Variants in NEK10 observed in about 807,000 individuals in gnomAD.
NEK10 encodes serine/threonine-protein kinase Nek10.
NEK10 carries 122 observed loss-of-function variants against 159.8 expected under a neutral mutation model. That is an observed-to-expected ratio of 0.76 (90% CI 0.66 to 0.89). The LOEUF (loss-of-function observed/expected upper bound fraction) is 0.89, where lower values mean the gene tolerates loss of function less well. Ranked by LOEUF, NEK10 falls within the 40% of genes least tolerant of loss-of-function variation. The pLI is 0.00. For missense variants in NEK10, 1,342 were observed against 1,323.1 expected, an observed-to-expected ratio of 1.01 and a Z score of -0.22; for synonymous variants, 466 against 457.1, an observed-to-expected ratio of 1.02 and a Z score of -0.25.
In NEK10 at chr3:27,335,829, C is replaced by T. The variant is rs561074521; in HGVS notation, c.362+8443G>A. ...CTTGAAACAAATGAATGTGGAAACA[C>T]GACATACCAAAACCTGTAGGACAAA... On this transcript the variant is annotated intron_variant, in intron 5 of 35. Transcript: ENST00000691995. Among the ~76,000 whole-genome samples, 30 of 152,088 alleles carry T rather than the reference C, an allele frequency of 2.0e-4. No homozygotes were observed. The South Asian group carries it at 5.4e-3, about 27-fold the overall frequency.
At chr3:27,327,066 T>C (rs1225236838) in intron 5 of NEK10, among the ~76,000 whole-genome samples, 1 of 152,244 alleles carries the variant, frequency 6.6e-6, no homozygotes, top group Non-Finnish European at 1.5e-5. Context: ...TTTATTTTAC[T>C]GACTCAGCAA....
At chr3:27,311,958 A>G (rs546308658) in intron 8 of NEK10, 141 bp downstream of exon 8, 33 of 659,248 alleles carry the variant, frequency 5.0e-5, no homozygotes, top group Middle Eastern at 4.9e-4. Context: ...GAATATAACA[A>G]TTGGCCTGGA....
Position 27,210,992 on chromosome 3 carries a change from T to A in NEK10, c.2091-8435A>T, listed in dbSNP as rs567672408. Among the ~76,000 whole-genome samples the A allele has an allele frequency of 1.8e-4, 27 of 152,340 alleles. No homozygotes were observed. In the South Asian group the frequency reaches 5.4e-3, roughly 30 times the overall value. On this transcript the variant is annotated intron_variant, in intron 23 of 35. Transcript: ENST00000691995. ...TTAGGGAAACATTTTATATCTAATA[T>A]ACATAAATTTCATAACAGTAAAAAG...
chr3:27,322,470 C>CG (rs902736223), intron 5 of NEK10, among the ~76,000 whole-genome samples: 2 of 152,006 alleles, frequency 1.3e-5, no homozygotes, highest in Admixed American at 6.6e-5. Context: ...GAGGCCCCCC[C>CG]CAAACTTATT....
At chr3:27,160,615 T>A (rs1945927645) in intron 30 of NEK10, among the ~76,000 whole-genome samples, 3 of 152,138 alleles carry the variant, frequency 2.0e-5, no homozygotes, top group Admixed American at 2.0e-4. Context: ...CACTCACTGA[T>A]AACAAAATGG....
chr3:27,281,082 G>T (rs1473899430), intron 22 of NEK10, among the ~76,000 whole-genome samples: 2 of 151,620 alleles, frequency 1.3e-5, no homozygotes, highest in African/African-American at 4.8e-5. Context: ...AAAAATTTTT[G>T]AAATTAAAAT....
chr3:27,346,021 T>C lies in NEK10; in HGVS notation c.263+65A>G, dbSNP rs554598508. On this transcript the variant is annotated intron_variant, in intron 4 of 35. Transcript: ENST00000691995. ...TTAAATTTTAGCTCCTGGGATAAACTTAAATAAAACTGTGAGCTAAGCAGA... is the reference window on the plus strand; with the variant it reads ...TTAAATTTTAGCTCCTGGGATAAACCTAAATAAAACTGTGAGCTAAGCAGA... 1.3e-5 allele frequency: 20 copies of C among 1,519,814 alleles called. No individual in the cohort carries two copies. In the South Asian group the frequency reaches 2.1e-4, roughly 16 times the overall value. The allele number at this position is 1,519,814 out of a possible 1,614,324, so 94.1% of individuals were successfully genotyped here. A position where few individuals can be genotyped will look rare whatever the true frequency, so the allele number is the denominator to read the frequency against.
At chr3:27,334,159 G>C (rs923265530) in intron 5 of NEK10, among the ~76,000 whole-genome samples, 2 of 152,166 alleles carry the variant, frequency 1.3e-5, no homozygotes, top group African/African-American at 4.8e-5. Context: ...CTCCTCCCAA[G>C]GGCCTGAAGT....
At chr3:27,284,280 G>C (rs1258883309) in intron 22 of NEK10, among the ~76,000 whole-genome samples, 2 of 152,150 alleles carry the variant, frequency 1.3e-5, no homozygotes, top group Non-Finnish European at 2.9e-5. Context: ...AGCTATTCAG[G>C]ATGCTGAGGT....
At chr3:27,145,527 T>C (rs933775384) in intron 30 of NEK10, among the ~76,000 whole-genome samples, 1 of 152,196 alleles carries the variant, frequency 6.6e-6, no homozygotes, top group Admixed American at 6.5e-5. Context: ...GTTGCAAGCA[T>C]GACGCTAAAG....
chr3:27,204,293 TTGTTGTTG>T (rs1950305131), intron 23 of NEK10, among the ~76,000 whole-genome samples: 1 of 96,234 alleles, frequency 1.0e-5, no homozygotes, highest in Admixed American at 1.1e-4. Context: ...TTTTTTTTTT[TTGTTGTTG>T]TTTTTTTTTT....
At chr3:27,165,686 T>G (rs989775979) in intron 29 of NEK10, among the ~76,000 whole-genome samples, 1 of 152,224 alleles carries the variant, frequency 6.6e-6, no homozygotes, top group Admixed American at 6.5e-5. Flanking sequence ...TGACCTCATC[T>G]GGAATTAATA....
intron 23 of NEK10, among the ~76,000 whole-genome samples, chr3:27,236,133 C>A (rs1341814538): frequency 6.6e-6 from 1 of 151,972 alleles, no homozygotes; most frequent in Non-Finnish European, 1.5e-5. Context: ...GGGAACAAGG[C>A]ACACTGGGGT....
chr3:27,200,907 C>T lies in NEK10; in HGVS notation c.2291+603G>A, dbSNP rs549952622. On this transcript the variant is annotated intron_variant, in intron 25 of 35. Coordinates refer to ENST00000691995, the MANE Select transcript of NEK10 (RefSeq NM_001394966.1). ...GCATGCCAGGACTAGTGGGAAGCAC[C>T]ATGTGGCTGGAGCAGAGAAAACAGA... is the stretch of plus-strand genomic sequence containing the variant. 7.9e-5 allele frequency among the ~76,000 whole-genome samples: 12 copies of T among 152,134 alleles called. No individual in the cohort carries two copies. In the South Asian group the frequency reaches 2.5e-3, roughly 32 times the overall value.
chr3:27,292,420 C>G (rs754594899), intron 16 of NEK10, among the ~76,000 whole-genome samples: 1 of 152,038 alleles, frequency 6.6e-6, no homozygotes, highest in Non-Finnish European at 1.5e-5. Context: ...AATACTGGTA[C>G]ATGAAAAATA....
chr3:27,303,903 G>A (rs558164211), intron 12 of NEK10, among the ~76,000 whole-genome samples: 2 of 152,112 alleles, frequency 1.3e-5, no homozygotes, highest in Non-Finnish European at 2.9e-5. Flanking sequence ...CCAGTTCAAG[G>A]AGGCATACTC....
intron 23 of NEK10, among the ~76,000 whole-genome samples, chr3:27,233,954 G>T (rs756355336): frequency 1.3e-5 from 2 of 151,982 alleles, no homozygotes; most frequent in African/African-American, 2.4e-5. Flanking sequence ...GGAATGCAAG[G>T]TTGGTTCAAC....
intron 22 of NEK10, among the ~76,000 whole-genome samples, chr3:27,256,912 C>CTTTTTTTTTT (rs550014186): frequency 8.0e-6 from 1 of 125,120 alleles, no homozygotes; most frequent in Non-Finnish European, 1.7e-5. Context: ...TTTTTTCTCT[C>CTTTTTTTTTT]TTTTTTTTTT....
chr3:27,311,200 C>T (rs2044671219), intron 8 of NEK10, 184 bp from the exon 9 acceptor site: 2 of 453,706 alleles, frequency 4.4e-6, no homozygotes, highest in Admixed American at 8.2e-5. Context: ...TCCTCAAGCT[C>T]CACTGGTATT....
Sources: gnomAD v4.1 joint callset for allele counts (sites outside exome capture counted in the v4.1 genomes callset) on GRCh38, gnomAD v4.1.1 for gene constraint, MANE v1.5 for transcripts, NCBI Gene and HGNC (gene_info 2026-07-23, HGNC 2026-07-21) for gene names.